The following RFX3 variants were observed in gnomAD, a reference collection of about 807,000 sequenced individuals.
RFX3 encodes the protein transcription factor RFX3.
A neutral mutation model predicts 98.6 loss-of-function variants in RFX3; 14 were observed. The observed-to-expected ratio is 0.14, with a 90% CI of 0.09 to 0.22. The LOEUF (loss-of-function observed/expected upper bound fraction) is 0.22, where lower values mean the gene tolerates loss of function less well. Among genes scored for constraint, RFX3 ranks in the 10% least tolerant of loss-of-function variants. RFX3 has a pLI of 1.00. For missense variants in RFX3, 639 were observed against 926.9 expected (o/e 0.69, Z 4.03); for synonymous variants, 383 against 328.4 (o/e 1.17, Z -1.80).
intron 4 of RFX3, among the ~76,000 whole-genome samples, chr9:3,312,145 T>G (rs887818029): frequency 2.6e-5 from 4 of 152,196 alleles, no homozygotes; most frequent in African/African-American, 9.7e-5. Flanking sequence ...TAAGTATTGC[T>G]TCATGAAACT....
Position 3,220,125 on chromosome 9 carries a change from A to G in RFX3, c.*4917T>C, listed in dbSNP as rs1817262844. Reference sequence around the variant, plus strand: ...CATTCTATCTATATATAATTTTTTGACAACGTATTAAAGTTTTGGAGCATA... The same window carrying G: ...CATTCTATCTATATATAATTTTTTGGCAACGTATTAAAGTTTTGGAGCATA... On this transcript the variant is annotated 3_prime_UTR_variant, in exon 17 of 17. Transcript: ENST00000617270. 1 of 152,188 alleles carries G rather than the reference A, an allele frequency of 6.6e-6. No homozygotes were observed. Among genetic ancestry groups the G allele is most frequent in the Non-Finnish European group, 1.5e-5 (1 of 68,040 alleles). 9.4% of individuals were successfully genotyped at this position (152,188 alleles called of 1,614,324 possible). A position where few individuals can be genotyped will look rare whatever the true frequency, so the allele number is the denominator to read the frequency against.
At chr9:3,305,627 A>G (rs576411188) in intron 4 of RFX3, among the ~76,000 whole-genome samples, 1 of 152,076 alleles carries the variant, frequency 6.6e-6, no homozygotes, top group African/African-American at 2.4e-5. Context: ...TAGTTGCATG[A>G]TTCCAAATGG....
At chr9:3,406,040 T>G (rs1032974980) in intron 1 of RFX3, among the ~76,000 whole-genome samples, 1 of 152,066 alleles carries the variant, frequency 6.6e-6, no homozygotes, top group African/African-American at 2.4e-5. Context: ...CTCTGCAGCC[T>G]CAACCTCCCA....
intron 1 of RFX3, among the ~76,000 whole-genome samples, chr9:3,407,592 T>C (rs1479535522): frequency 1.3e-5 from 2 of 152,122 alleles, no homozygotes; most frequent in Non-Finnish European, 2.9e-5. Flanking sequence ...ATATGCAGTA[T>C]TAGGCTAATA....
chr9:3,463,522 A>T (rs758489354), intron 1 of RFX3, among the ~76,000 whole-genome samples: 5 of 152,146 alleles, frequency 3.3e-5, no homozygotes, highest in Non-Finnish European at 5.9e-5. Flanking sequence ...TTAAAGACTT[A>T]TTCTTTGAAA....
chr9:3,376,376 T>C (rs530858039), intron 2 of RFX3, among the ~76,000 whole-genome samples: 1 of 152,274 alleles, frequency 6.6e-6, no homozygotes, highest in South Asian at 2.1e-4. Flanking sequence ...CCTGAGAATA[T>C]ACGAATGTTT....
At chr9:3,524,727 C>A in intron 1 of RFX3, 1 of 473,884 alleles carries the variant, frequency 2.1e-6, no homozygotes, top group Non-Finnish European at 2.8e-6. Flanking sequence ...TGAAACGGAA[C>A]CTCACTACTC....
intron 7 of RFX3, among the ~76,000 whole-genome samples, chr9:3,278,395 T>A (rs1825506196): frequency 1.3e-5 from 2 of 151,820 alleles, no homozygotes; most frequent in East Asian, 1.9e-4. Context: ...ACAATAAACA[T>A]ACTATCTAGA....
chr9:3,252,559 A>G (rs139099196), intron 14 of RFX3, among the ~76,000 whole-genome samples: 287 of 152,336 alleles, frequency 1.9e-3, no homozygotes, highest in African/African-American at 6.7e-3. Context: ...AGCTTGAGAC[A>G]GAACTGCTTG....
At chr9:3,377,007 T>C (rs1338206104) in intron 2 of RFX3, among the ~76,000 whole-genome samples, 1 of 152,202 alleles carries the variant, frequency 6.6e-6, no homozygotes, top group Non-Finnish European at 1.5e-5. Flanking sequence ...GACTGTAAGC[T>C]AGTTCAACCA....
chr9:3,345,765 A>T (rs1284952871), intron 3 of RFX3, among the ~76,000 whole-genome samples: 1 of 152,208 alleles, frequency 6.6e-6, no homozygotes, highest in Non-Finnish European at 1.5e-5. Context: ...TGTCATGCAC[A>T]CTTCTGGTGT....
intron 1 of RFX3, among the ~76,000 whole-genome samples, chr9:3,509,722 GA>G (rs1212195170): frequency 4.6e-5 from 7 of 151,780 alleles, no homozygotes; most frequent in Non-Finnish European, 8.8e-5. Context: ...GCTTTTTCTA[GA>G]AAAAAATATG....
In RFX3 at chr9:3,346,765, C is replaced by G. The variant is rs1834482188; in HGVS notation, c.118-1G>C. ...GCTGCACAGTCTGTACCTGCTGTACCTGAAAAACAAGTATTAGGACCTTGG... is the reference window on the plus strand; with the variant it reads ...GCTGCACAGTCTGTACCTGCTGTACGTGAAAAACAAGTATTAGGACCTTGG... On this transcript the variant is annotated splice_acceptor_variant, in intron 2 of 16. Coordinates refer to ENST00000617270, the MANE Select transcript of RFX3 (RefSeq NM_001282116.2). LOFTEE classifies it high-confidence loss of function. 6.2e-7 allele frequency: 1 copy of G among 1,606,686 alleles called. No individual in the cohort carries two copies.
intron 1 of RFX3, among the ~76,000 whole-genome samples, chr9:3,504,869 ATT>A (rs1491421869): frequency 6.5e-5 from 5 of 77,068 alleles, no homozygotes; most frequent in Admixed American, 2.2e-4. Flanking sequence ...TATAATATAT[ATT>A]ATATATATTA....
At chr9:3,255,142 C>T (rs889746247) in intron 14 of RFX3, among the ~76,000 whole-genome samples, 3 of 152,182 alleles carry the variant, frequency 2.0e-5, no homozygotes, top group Admixed American at 6.5e-5. Flanking sequence ...TGGATCTATA[C>T]GTCTACTTCA....
In RFX3 at chr9:3,220,508, T is replaced by C. The variant is rs1817285005; in HGVS notation, c.*4534A>G. ...ATACTAGAAAAGTTGATTTTTTTTT[T>C]CTGTAAACAGTACACTTACTTAGAT... is the stretch of plus-strand genomic sequence containing the variant. On this transcript the variant is annotated 3_prime_UTR_variant, in exon 17 of 17. Transcript: ENST00000617270. The C allele has an allele frequency of 1.3e-5, 2 of 152,150 alleles. No homozygotes were observed. The highest frequency in any genetic ancestry group is 4.1e-4 in the South Asian group (2 of 4,824). 9.4% of individuals were successfully genotyped at this position (152,150 alleles called of 1,614,324 possible).
At chr9:3,409,581 T>G (rs548912497) in intron 1 of RFX3, among the ~76,000 whole-genome samples, 1 of 152,340 alleles carries the variant, frequency 6.6e-6, no homozygotes, top group East Asian at 1.9e-4. Flanking sequence ...ACAAACACAG[T>G]TCAGGCAGTT....
chr9:3,321,877 C>T (rs1831360548), intron 4 of RFX3, among the ~76,000 whole-genome samples: 1 of 152,004 alleles, frequency 6.6e-6, no homozygotes, highest in South Asian at 2.1e-4. Context: ...TTCCAAATAT[C>T]ATTTACTGAT....
intron 1 of RFX3, among the ~76,000 whole-genome samples, chr9:3,447,260 A>G (rs548188990): frequency 6.6e-6 from 1 of 152,288 alleles, no homozygotes; most frequent in African/African-American, 2.4e-5. Flanking sequence ...TCTATAAAGT[A>G]CTCAGTCAAT....
Sources: gnomAD v4.1 joint callset for allele counts (sites outside exome capture counted in the v4.1 genomes callset) on GRCh38, gnomAD v4.1.1 for gene constraint, MANE v1.5 for transcripts, NCBI Gene and HGNC (gene_info 2026-07-23, HGNC 2026-07-21) for gene names.